The following TBCB variants were observed in gnomAD, a reference collection of about 807,000 sequenced individuals.
TBCB encodes tubulin folding cofactor B.
In TBCB, 18 loss-of-function variants were observed where a neutral mutation model predicts 29.2. The ratio of observed to expected loss-of-function variants is 0.62; its 90% confidence interval spans 0.43 to 0.91. The LOEUF (loss-of-function observed/expected upper bound fraction) is 0.91, where lower values mean the gene tolerates loss of function less well. Among genes scored for constraint, TBCB ranks in the 40% least tolerant of loss-of-function variants. The probability of loss-of-function intolerance (pLI) is 0.00; values close to 1 mark genes in which losing one functional copy is unlikely to be tolerated. For missense variants in TBCB, 336 were observed against 337.6 expected (o/e 1.00, Z 0.04); for synonymous variants, 172 against 137.8 (o/e 1.25, Z -1.74).
intron 4 of TBCB, chr19:36,121,936 C>A (rs1249703646): frequency 4.6e-6 from 3 of 657,778 alleles, no homozygotes; most frequent in Non-Finnish European, 7.8e-6. Context: ...GCGGAGTGAT[C>A]TGTCCAGCGA....
Position 36,120,015 on chromosome 19 carries a change from C to T in TBCB, c.259-695C>T, listed in dbSNP as rs1056576577. The stretch of plus-strand genomic sequence containing the variant: ...CGTGAAGGACATTTCTACCTCTGGC[C>T]GTCTGCACCTGCCGTTCTTGCTCAT... On this transcript the variant is annotated intron_variant, in intron 2 of 5. Transcript: ENST00000221855. Among the ~76,000 whole-genome samples the T allele has an allele frequency of 4.6e-5, 7 of 152,270 alleles. No individual in the cohort carries two copies. The East Asian group carries it at 1.2e-3, about 25-fold the overall frequency.
At chr19:36,118,359 G>A (rs1973990677) in intron 2 of TBCB, among the ~76,000 whole-genome samples, 1 of 152,126 alleles carries the variant, frequency 6.6e-6, no homozygotes, top group African/African-American at 2.4e-5. Flanking sequence ...ACGTCTGGGA[G>A]GACATCCTGG....
chr19:36,115,723 G>A, intron 1 of TBCB, 49 bp downstream of exon 1: 1 of 1,444,990 alleles, frequency 6.9e-7, no homozygotes, highest in Non-Finnish European at 9.5e-7. Context: ...AGAAATTGGG[G>A]GGTTCCCGGA....
chr19:36,119,766 G>A (rs769026359), intron 2 of TBCB, among the ~76,000 whole-genome samples: 7 of 151,992 alleles, frequency 4.6e-5, no homozygotes, highest in Non-Finnish European at 8.8e-5. Flanking sequence ...GGTGGTGTGT[G>A]CCTATAGTTT....
chr19:36,115,320 GT>G, upstream of TBCB: 1 of 560,936 alleles, frequency 1.8e-6, no homozygotes, highest in Non-Finnish European at 3.1e-6. Context: ...TGGAAGAACC[GT>G]GAACTATGGA....
rs373092686 is a variant in TBCB, at chr19:36,120,688, C to T, written c.259-22C>T. ...CTCCCTGGCCAGACCCTGATCCCCA[C>T]GGAGCCCCTCCCCTCACACAGGTCA... is the stretch of plus-strand genomic sequence containing the variant. On this transcript the variant is annotated intron_variant, in intron 2 of 5. Transcript: ENST00000221855. 22 of 1,611,634 alleles carry T rather than the reference C, an allele frequency of 1.4e-5. No individual in the cohort carries two copies. In the Middle Eastern group the frequency reaches 5.0e-4, roughly 37 times the overall value.
At position 36,124,478 on chromosome 19, in the gene TBCB, A is replaced by G. The variant is rs571159810; in HGVS notation, c.548-973A>G. ...TCAAGTGATCCACCTGAGCTGGTGG[A>G]TCTCCCAAAGTGCTAGGATTACAAA... On this transcript the variant is annotated intron_variant, in intron 4 of 5. Coordinates refer to ENST00000221855, the MANE Select transcript of TBCB (RefSeq NM_001281.3). Among the ~76,000 whole-genome samples the G allele has an allele frequency of 2.0e-5, 3 of 152,068 alleles. No individual in the cohort carries two copies. The South Asian group carries it at 6.2e-4, about 32-fold the overall frequency.
At chr19:36,125,551 G>A in intron 5 of TBCB, 28 bp downstream of exon 5, 1 of 1,614,018 alleles carries the variant, frequency 6.2e-7, no homozygotes, top group South Asian at 1.1e-5. Context: ...TCAGGTGTCT[G>A]TGTGTGCATT....
chr19:36,120,542 C>T (rs1056353592), intron 2 of TBCB, 168 bp from the exon 3 acceptor site: 1 of 590,544 alleles, frequency 1.7e-6, no homozygotes, highest in East Asian at 2.9e-5. Context: ...GGCCAGTGTA[C>T]GTAGCTACTT....
chr19:36,117,409 A>G (rs1973974223), intron 2 of TBCB, among the ~76,000 whole-genome samples: 2 of 152,224 alleles, frequency 1.3e-5, no homozygotes, highest in Admixed American at 1.3e-4. Context: ...CAGTGGTGTG[A>G]TCTCAGCTCA....
At chr19:36,124,850 C>T (rs1974111417) in intron 4 of TBCB, among the ~76,000 whole-genome samples, 1 of 152,094 alleles carries the variant, frequency 6.6e-6, no homozygotes, top group Non-Finnish European at 1.5e-5. Flanking sequence ...GCCAGTATGT[C>T]ATCTTTTGAG....
chr19:36,125,835 C>T lies in TBCB; in HGVS notation c.*53C>T. 1 of 1,301,850 alleles carries T rather than the reference C, an allele frequency of 7.7e-7. No homozygotes were observed. The highest frequency in any genetic ancestry group is 1.0e-6 in the Non-Finnish European group (1 of 965,858). 80.6% of individuals were successfully genotyped at this position (1,301,850 alleles called of 1,614,324 possible). A position where few individuals can be genotyped will look rare whatever the true frequency, so the allele number is the denominator to read the frequency against. The stretch of plus-strand genomic sequence containing the variant: ...CCTAGCTCAGCCACTGACTGCCCCT[C>T]CTGTGTGTGCCCATGGCCCTTTTCT... On this transcript the variant is annotated 3_prime_UTR_variant, in exon 6 of 6. Transcript: ENST00000221855.
rs1599861826 is a variant in TBCB, at chr19:36,115,752, G to A, written c.114+78G>A. 1.4e-5 allele frequency: 18 copies of A among 1,253,060 alleles called. No homozygotes were observed. In the East Asian group the frequency reaches 3.7e-4, roughly 25 times the overall value. 77.6% of individuals were successfully genotyped at this position (1,253,060 alleles called of 1,614,324 possible). On this transcript the variant is annotated intron_variant, in intron 1 of 5. Transcript: ENST00000221855. ...TCCCGGAAGGGGGAGGCTGGGAGGGGCCGGGGAGTGACTGGGCGGGCCCGG... is the reference window on the plus strand; with the variant it reads ...TCCCGGAAGGGGGAGGCTGGGAGGGACCGGGGAGTGACTGGGCGGGCCCGG...
chr19:36,116,351 T>C, intron 2 of TBCB, 167 bp downstream of exon 2: 2 of 911,714 alleles, frequency 2.2e-6, no homozygotes, highest in Non-Finnish European at 3.2e-6. Context: ...AGGGACAGCC[T>C]AGAGTGGTCT....
Position 36,121,656 on chromosome 19 carries a change from G to A in TBCB, c.485G>A (p.Gly162Asp). 1 of 1,563,024 alleles carries A rather than the reference G, an allele frequency of 6.4e-7. No individual in the cohort carries two copies. Among genetic ancestry groups the A allele is most frequent in the Non-Finnish European group, 8.7e-7 (1 of 1,155,314 alleles). ...GCCCAGGCCAGCTCCATCCCCGTGGGCAGCCGCTGTGAGGTGCGGGCGGCG... is the reference window on the plus strand; with the variant it reads ...GCCCAGGCCAGCTCCATCCCCGTGGACAGCCGCTGTGAGGTGCGGGCGGCG... ...EKAQASSIPV[G>D]SRCEVRAAGQ... The change falls in exon 4 of 6, where the codon GGC becomes GAC. Residue 162 changes from glycine to aspartate, a missense_variant. Physicochemically the swap from Gly to Asp is moderately conservative, Grantham distance 94. Coordinates refer to ENST00000221855, the MANE Select transcript of TBCB (RefSeq NM_001281.3).
intron 4 of TBCB, among the ~76,000 whole-genome samples, chr19:36,122,592 C>G (rs935668760): frequency 1.4e-4 from 18 of 127,292 alleles, no homozygotes; most frequent in Admixed American, 7.8e-4. Context: ...AAAAAAAAAT[C>G]CCACAAAACT....
Position 36,121,626 on chromosome 19 carries a change from A to AGAAGGCCCAGGC in TBCB, c.456_467dup (p.Lys153_Ala156dup). The AGAAGGCCCAGGC allele has an allele frequency of 1.3e-6, 2 of 1,558,122 alleles. No individual in the cohort carries two copies. Among genetic ancestry groups the AGAAGGCCCAGGC allele is most frequent in the Non-Finnish European group, 1.7e-6 (2 of 1,152,632 alleles). On this transcript the variant is annotated inframe_insertion, in exon 4 of 6. Transcript: ENST00000221855. ...GAGGCCGCCCAGCGCCTGGCCGAGG[A>AGAAGGCCCAGGC]GAAGGCCCAGGCCAGCTCCATCCCC...
chr19:36,115,043 G>A (rs1021225207), upstream of TBCB: 1 of 619,282 alleles, frequency 1.6e-6, no homozygotes, highest in Non-Finnish European at 2.8e-6. Flanking sequence ...TCAATCTTTT[G>A]ATATCTTAGA....
upstream of TBCB, chr19:36,115,439 G>A (rs1973929436): frequency 1.1e-5 from 8 of 709,672 alleles, no homozygotes; most frequent in East Asian, 2.0e-4. Flanking sequence ...GGAGAGCGCG[G>A]ATTGGTCAGG....
Sources: gnomAD v4.1 joint callset for allele counts (sites outside exome capture counted in the v4.1 genomes callset) on GRCh38, gnomAD v4.1.1 for gene constraint, MANE v1.5 for transcripts, NCBI Gene and HGNC (gene_info 2026-07-23, HGNC 2026-07-21) for gene names.